M1AP: variants seen among roughly 807,000 people sequenced by gnomAD.
M1AP encodes the protein meiosis 1 arrest protein.
A neutral mutation model predicts 51.2 loss-of-function variants in M1AP; 39 were observed. The observed-to-expected ratio is 0.76, with a 90% confidence interval of 0.59 to 1.00. The LOEUF (loss-of-function observed/expected upper bound fraction) is 1.00. Among genes scored for constraint, M1AP ranks in the 50% least tolerant of loss-of-function variants. The pLI, the probability that M1AP is intolerant of heterozygous loss-of-function variation, is 0.00. For missense variants in M1AP, 545 were observed against 641.2 expected (o/e 0.85, Z 1.62); for synonymous variants, 251 against 249.2 (o/e 1.01, Z -0.07).
At chr2:74,602,789 A>G (rs1680746799) in intron 4 of M1AP, among the ~76,000 whole-genome samples, 1 of 152,232 alleles carries the variant, frequency 6.6e-6, no homozygotes, top group African/African-American at 2.4e-5. Flanking sequence ...GGAAGGATGC[A>G]TTATTCAGAA....
At chr2:74,622,935 C>G (rs1169528784) in intron 2 of M1AP, among the ~76,000 whole-genome samples, 1 of 143,756 alleles carries the variant, frequency 7.0e-6, no homozygotes, top group Non-Finnish European at 1.5e-5. Context: ...ATAGATTATA[C>G]ACTTTAAAAA....
chr2:74,612,448 G>T (rs1457705092), intron 3 of M1AP, among the ~76,000 whole-genome samples: 1 of 151,990 alleles, frequency 6.6e-6, no homozygotes, highest in Non-Finnish European at 1.5e-5. Flanking sequence ...TCAAACTCCT[G>T]GCCTCAAGCA....
At chr2:74,601,745 G>C (rs1199971636) in intron 4 of M1AP, among the ~76,000 whole-genome samples, 3 of 152,100 alleles carry the variant, frequency 2.0e-5, no homozygotes, top group Admixed American at 2.0e-4. Flanking sequence ...TAATGTGAAT[G>C]TAATTTAAAG....
In M1AP at chr2:74,628,725, GACA is replaced by G. The variant is rs370163223; in HGVS notation, c.240+11308_240+11310del. 1.9e-3 allele frequency: 1,125 copies of G among 601,186 alleles called. 2 individuals carry two copies. Among genetic ancestry groups the G allele is most frequent in the African/African-American group, 4.6e-3 (245 of 53,234 alleles). The allele number at this position is 601,186 out of a possible 1,614,324, so 37.2% of individuals were successfully genotyped here. On this transcript the variant is annotated intron_variant, in intron 2 of 10. Transcript: ENST00000421985. ...ATTCTTTGCTGCCCAAAAGTCACAT[GACA>G]ACAACAAGATAATCGTCATCATACA...
chr2:74,605,048 C>CT (rs200728773), intron 4 of M1AP, among the ~76,000 whole-genome samples: 16 of 149,444 alleles, frequency 1.1e-4, no homozygotes, highest in South Asian at 6.4e-4. Flanking sequence ...CAAAACTAGA[C>CT]TTTTTTTTTT....
intron 2 of M1AP, among the ~76,000 whole-genome samples, chr2:74,617,994 T>C (rs1681772703): frequency 6.6e-6 from 1 of 152,194 alleles, no homozygotes; most frequent in Admixed American, 6.5e-5. Context: ...GATTGACCCA[T>C]ATTTTAAAGG....
At chr2:74,590,997 A>G (rs933102999) in intron 4 of M1AP, among the ~76,000 whole-genome samples, 1 of 152,134 alleles carries the variant, frequency 6.6e-6, no homozygotes, top group African/African-American at 2.4e-5. Context: ...TTTAAGCTCA[A>G]TTTCTCCATT....
At chr2:74,590,783 G>A (rs1679997249) in intron 4 of M1AP, among the ~76,000 whole-genome samples, 2 of 152,102 alleles carry the variant, frequency 1.3e-5, no homozygotes, top group South Asian at 4.1e-4. Context: ...AGAAGTTATT[G>A]CAGGTACGGG....
chr2:74,622,382 G>T (rs953100647), intron 2 of M1AP, among the ~76,000 whole-genome samples: 3 of 151,952 alleles, frequency 2.0e-5, no homozygotes, highest in African/African-American at 7.2e-5. Flanking sequence ...GGGATTATAG[G>T]TGGCTGCCAC....
intron 2 of M1AP, among the ~76,000 whole-genome samples, chr2:74,621,483 A>G (rs1406856052): frequency 6.6e-6 from 1 of 151,952 alleles, no homozygotes; most frequent in East Asian, 1.9e-4. Flanking sequence ...GACTTTGAAG[A>G]GTAGTAAAAA....
intron 4 of M1AP, among the ~76,000 whole-genome samples, chr2:74,593,957 G>A (rs995556535): frequency 2.6e-5 from 4 of 152,202 alleles, no homozygotes; most frequent in African/African-American, 7.2e-5. Flanking sequence ...TGAAAGGAGA[G>A]AGCCAGAGCC....
In M1AP at chr2:74,613,392, T is replaced by C. The variant is rs77461364; in HGVS notation, c.426+1572A>G. Reference sequence around the variant, plus strand: ...ACTGCTATAAGCAGGCCTTTAGTAATGTGTGGTAAGGGATAGAGGGAGGGG... The same window carrying C: ...ACTGCTATAAGCAGGCCTTTAGTAACGTGTGGTAAGGGATAGAGGGAGGGG... On this transcript the variant is annotated intron_variant, in intron 3 of 10. Coordinates refer to ENST00000421985, the MANE Select transcript of M1AP (RefSeq NM_001321739.2). Among the ~76,000 whole-genome samples, 574 of 152,294 alleles carry C rather than the reference T, an allele frequency of 3.8e-3. 3 individuals are homozygous for C. The highest frequency in any genetic ancestry group is 0.013 in the African/African-American group (549 of 41,554).
intron 4 of M1AP, among the ~76,000 whole-genome samples, chr2:74,601,422 T>C (rs894184192): frequency 1.3e-5 from 2 of 152,110 alleles, no homozygotes; most frequent in Non-Finnish European, 2.9e-5. Context: ...TATACATGCA[T>C]GTGTAAGGAG....
intron 4 of M1AP, among the ~76,000 whole-genome samples, chr2:74,596,518 C>T (rs1680350299): frequency 6.6e-6 from 1 of 151,932 alleles, no homozygotes; most frequent in Admixed American, 6.6e-5. Context: ...GGAGGTGGAG[C>T]TTGCAGTGAG....
intron 8 of M1AP, chr2:74,561,961 C>T: frequency 4.1e-6 from 4 of 985,398 alleles, no homozygotes; most frequent in Non-Finnish European, 4.8e-6. Flanking sequence ...ATGCCAATAT[C>T]CCTTTTCTCT....
chr2:74,647,239 C>T, intron 1 of M1AP: 2 of 985,406 alleles, frequency 2.0e-6, no homozygotes, highest in Non-Finnish European at 2.4e-6. Context: ...CATCCTCACA[C>T]TAGGCCCTCC....
At chr2:74,575,001 G>T (rs930379017) in intron 7 of M1AP, among the ~76,000 whole-genome samples, 7 of 152,160 alleles carry the variant, frequency 4.6e-5, no homozygotes, top group African/African-American at 1.7e-4. Flanking sequence ...TTCCATTGGA[G>T]AGTGGGTTTC....
chr2:74,634,811 T>C (rs887163977), intron 2 of M1AP, among the ~76,000 whole-genome samples: 1 of 152,230 alleles, frequency 6.6e-6, no homozygotes, highest in African/African-American at 2.4e-5. Flanking sequence ...TTTTCAAATA[T>C]TGAACCAATT....
intron 1 of M1AP, among the ~76,000 whole-genome samples, chr2:74,645,405 G>T (rs187079741): frequency 4.6e-5 from 7 of 152,178 alleles, no homozygotes; most frequent in African/African-American, 1.7e-4. Context: ...CATAAGGCAC[G>T]TATGAGTTTA....
Sources: gnomAD v4.1 joint callset for allele counts (sites outside exome capture counted in the v4.1 genomes callset) on GRCh38, gnomAD v4.1.1 for gene constraint, MANE v1.5 for transcripts, NCBI Gene and HGNC (gene_info 2026-07-23, HGNC 2026-07-21) for gene names.